Variants in NEBL observed in about 807,000 individuals in gnomAD.
NEBL encodes nebulette, also known as LIM and SH3 protein 2.
Under a neutral mutation model 140.2 loss-of-function variants are expected in NEBL, and 122 were observed. The ratio of observed to expected loss-of-function variants is 0.87; its 90% CI spans 0.75 to 1.01. The LOEUF is 1.01. Ranked by LOEUF, NEBL falls within the 50% of genes least tolerant of loss-of-function variation. The probability of loss-of-function intolerance (pLI) is 0.00; values close to 1 mark genes in which losing one functional copy is unlikely to be tolerated. For missense variants in NEBL, 1,365 were observed against 1,231.3 expected (o/e 1.11, Z -1.62); for synonymous variants, 436 against 398.9 (o/e 1.09, Z -1.11).
chr10:20,859,850 A>C (rs760601594), intron 7 of NEBL, 24 bp from the exon 8 acceptor site: 1 of 1,102,254 alleles, frequency 9.1e-7, no homozygotes, highest in Admixed American at 1.8e-5. Context: ...GAAATAGTAC[A>C]TGTAACTTTA....
chr10:20,991,895 G>T (rs928848263), intron 3 of NEBL, among the ~76,000 whole-genome samples: 1 of 151,878 alleles, frequency 6.6e-6, no homozygotes, highest in East Asian at 1.9e-4. Flanking sequence ...ACATTAATTT[G>T]CTTAGGATAA....
rs75968091 is a variant in NEBL, at chr10:20,791,083, A to G, written c.2762-3775T>C. Among the ~76,000 whole-genome samples, 368 of 152,332 alleles carry G rather than the reference A, an allele frequency of 2.4e-3. 2 individuals are homozygous for G. Among genetic ancestry groups the G allele is most frequent in the African/African-American group, 8.6e-3 (357 of 41,578 alleles). The stretch of plus-strand genomic sequence containing the variant: ...GTCAACAAGATTAAAGCCACAAATA[A>G]TAGTTTTAGTTATACTAAGTCAATG... On this transcript the variant is annotated intron_variant, in intron 26 of 27. Transcript: ENST00000377122.
At chr10:20,979,660 A>G (rs1836952650) in intron 3 of NEBL, among the ~76,000 whole-genome samples, 2 of 152,218 alleles carry the variant, frequency 1.3e-5, no homozygotes, top group Non-Finnish European at 2.9e-5. Flanking sequence ...GTAGATATAC[A>G]TAATGTTTTA....
chr10:20,882,601 C>G (rs1846121498), intron 4 of NEBL, among the ~76,000 whole-genome samples: 1 of 152,092 alleles, frequency 6.6e-6, no homozygotes, highest in East Asian at 1.9e-4. Flanking sequence ...GTTTACTAAA[C>G]ATTCTTGTGA....
chr10:21,229,340 G>A (rs1440355195), intron 3 of NEBL, among the ~76,000 whole-genome samples: 1 of 152,188 alleles, frequency 6.6e-6, no homozygotes, highest in Non-Finnish European at 1.5e-5. Flanking sequence ...AGAATCACTT[G>A]AGCCCGAGTG....
intron 2 of NEBL, among the ~76,000 whole-genome samples, chr10:21,035,716 A>G (rs1273689297): frequency 1.5e-5 from 2 of 131,960 alleles, no homozygotes; most frequent in Admixed American, 8.1e-5. Flanking sequence ...CATATTTTAA[A>G]ATAAATATCC....
At chr10:21,103,891 A>AT in intron 2 of NEBL, among the ~76,000 whole-genome samples, 1 of 152,068 alleles carries the variant, frequency 6.6e-6, no homozygotes, top group African/African-American at 2.4e-5. Flanking sequence ...GACAGTCTAC[A>AT]TTTTTTTCTA....
chr10:21,143,012 T>G (rs770392916), intron 2 of NEBL, among the ~76,000 whole-genome samples: 12 of 152,178 alleles, frequency 7.9e-5, no homozygotes, highest in South Asian at 2.1e-4. Context: ...TGTGTGTGTG[T>G]GGGTATGTGT....
At position 21,193,649 on chromosome 10, in the gene NEBL, C is replaced by T. The variant is rs1280479221; in HGVS notation, n.349-21172G>A. ...GAAAAAGGTATGAATTCCACAACCT[C>T]ATTTTGAGTAATAATTGATAATAAT... On this transcript the variant is annotated intron_variant and non_coding_transcript_variant, in intron 3 of 8. Transcript: ENST00000675702. 2.0e-5 allele frequency among the ~76,000 whole-genome samples: 3 copies of T among 152,292 alleles called. No individual in the cohort carries two copies. The East Asian group carries it at 5.8e-4, about 29-fold the overall frequency.
intron 13 of NEBL, among the ~76,000 whole-genome samples, chr10:20,838,198 G>T (rs893629953): frequency 6.6e-6 from 1 of 152,172 alleles, no homozygotes; most frequent in Non-Finnish European, 1.5e-5. Context: ...TTCTGAAAAA[G>T]ATTCACCACT....
intron 2 of NEBL, among the ~76,000 whole-genome samples, chr10:21,097,749 A>C (rs1837258882): frequency 6.6e-6 from 1 of 152,236 alleles, no homozygotes; most frequent in Admixed American, 6.5e-5. Flanking sequence ...TACCCAAAGC[A>C]ACGACTTCAA....
chr10:20,929,806 C>T (rs1367442988), intron 4 of NEBL, among the ~76,000 whole-genome samples: 1 of 152,126 alleles, frequency 6.6e-6, no homozygotes, highest in Non-Finnish European at 1.5e-5. Context: ...ACAGGGTATA[C>T]TAATGAGTAC....
chr10:21,268,969 G>A (rs116749836), intron 1 of NEBL, among the ~76,000 whole-genome samples: 3,748 of 152,226 alleles, frequency 0.025, 50 homozygotes, highest in Middle Eastern at 0.058. Flanking sequence ...AAGTACCTAA[G>A]GGATCTTAGC....
intron 3 of NEBL, among the ~76,000 whole-genome samples, chr10:20,962,169 T>C (rs191740532): frequency 1.4e-4 from 22 of 152,224 alleles, no homozygotes; most frequent in Admixed American, 1.3e-3. Flanking sequence ...ATTACTACTG[T>C]GAAAGGAAAG....
intron 2 of NEBL, among the ~76,000 whole-genome samples, chr10:21,097,268 G>A (rs2131980866): frequency 6.7e-6 from 1 of 150,052 alleles, no homozygotes; most frequent in South Asian, 2.1e-4. Flanking sequence ...AGACCAGCCT[G>A]ACCAACATTG....
chr10:21,081,549 A>G (rs1474001149), intron 2 of NEBL, among the ~76,000 whole-genome samples: 1 of 152,214 alleles, frequency 6.6e-6, no homozygotes, highest in Non-Finnish European at 1.5e-5. Flanking sequence ...ATATAAACAC[A>G]TACATTTCCT....
chr10:20,979,395 A>G (rs1373984521), intron 3 of NEBL, among the ~76,000 whole-genome samples: 1 of 152,198 alleles, frequency 6.6e-6, no homozygotes, highest in Non-Finnish European at 1.5e-5. Flanking sequence ...CTTTGAGAGC[A>G]TGAAAGAGAA....
In NEBL at chr10:20,785,606, G is replaced by T; in HGVS notation, c.*141C>A. 1 of 967,530 alleles carries T rather than the reference G, an allele frequency of 1.0e-6. No homozygotes were observed. 59.9% of individuals were successfully genotyped at this position (967,530 alleles called of 1,614,324 possible). A position where few individuals can be genotyped will look rare whatever the true frequency, so the allele number is the denominator to read the frequency against. On this transcript the variant is annotated 3_prime_UTR_variant, in exon 28 of 28. Transcript: ENST00000377122. Reference sequence around the variant, plus strand: ...AGCCCAGAGGTCATTCCTTCTTCCTGGTACCTGTGTGTCTAATTGTCAAAG... The same window carrying T: ...AGCCCAGAGGTCATTCCTTCTTCCTTGTACCTGTGTGTCTAATTGTCAAAG...
At chr10:21,102,825 GTTTTAT>G (rs1325119239) in intron 2 of NEBL, among the ~76,000 whole-genome samples, 2 of 151,744 alleles carry the variant, frequency 1.3e-5, no homozygotes, top group Non-Finnish European at 2.9e-5. Context: ...TTGTTTGTTT[GTTTTAT>G]TTTTATTTTT....
Sources: gnomAD v4.1 joint callset for allele counts (sites outside exome capture counted in the v4.1 genomes callset) on GRCh38, gnomAD v4.1.1 for gene constraint, MANE v1.5 for transcripts, NCBI Gene and HGNC (gene_info 2026-07-23, HGNC 2026-07-21) for gene names.